CNGB3: variants seen among roughly 807,000 people sequenced by gnomAD.
CNGB3 encodes cyclic nucleotide gated channel subunit beta 3, also known as cyclic nucleotide-gated channel beta-3.
A neutral mutation model predicts 92.8 loss-of-function variants in CNGB3; 86 were observed. That is an observed-to-expected ratio of 0.93 (90% CI 0.78 to 1.11). The LOEUF is 1.11. Ranked by LOEUF, CNGB3 falls within the 50% of genes least tolerant of loss-of-function variation. The pLI is 0.00. For missense variants in CNGB3, 1,026 were observed against 956.8 expected (o/e 1.07, Z -0.95); for synonymous variants, 333 against 332.7 (o/e 1.00, Z -0.01).
chr8:86,659,071 G>C lies in CNGB3; in HGVS notation c.853-5009C>G, dbSNP rs1176444642. ...TCCACCTCAGAGGGCCCTGCTGGGG[G>C]CTCCAGGAGCAGGGGTTCAGCGATC... On this transcript the variant is annotated intron_variant, in intron 6 of 17. Transcript: ENST00000320005. 1.2e-5 allele frequency: 10 copies of C among 839,714 alleles called. No homozygotes were observed. The East Asian group carries it at 2.3e-4, about 19-fold the overall frequency. 52.0% of individuals were successfully genotyped at this position (839,714 alleles called of 1,614,324 possible).
At chr8:86,591,658 CA>C (rs1822040126) in intron 15 of CNGB3, among the ~76,000 whole-genome samples, 1 of 152,328 alleles carries the variant, frequency 6.6e-6, no homozygotes, top group South Asian at 2.1e-4. Flanking sequence ...GCTCAGGGGT[CA>C]GGGGTGAGGG....
chr8:86,590,060 T>C lies in CNGB3; in HGVS notation c.1782-10808A>G, dbSNP rs939648250. On this transcript the variant is annotated intron_variant, in intron 15 of 17. Transcript: ENST00000320005. ...CATATATATTTAGGATAGTTAGCTCTTCTTGTTGAATTGATCCCTTTACCA... is the reference window on the plus strand; with the variant it reads ...CATATATATTTAGGATAGTTAGCTCCTCTTGTTGAATTGATCCCTTTACCA... Among the ~76,000 whole-genome samples, 23 of 151,494 alleles carry C rather than the reference T, an allele frequency of 1.5e-4. 1 individual carries two copies. Among genetic ancestry groups the C allele is most frequent in the African/African-American group, 5.6e-4 (23 of 41,164 alleles).
At chr8:86,623,420 G>A (rs1822780415) in intron 13 of CNGB3, among the ~76,000 whole-genome samples, 1 of 152,150 alleles carries the variant, frequency 6.6e-6, no homozygotes, top group African/African-American at 2.4e-5. Context: ...AGCAGGTTTG[G>A]TGTCTGGTGA....
At chr8:86,660,116 G>T (rs1027826840) in intron 6 of CNGB3, 8 of 314,840 alleles carry the variant, frequency 2.5e-5, no homozygotes, top group South Asian at 2.4e-4. Flanking sequence ...CATGGTCTTT[G>T]CACATATCCT....
intron 4 of CNGB3, 136 bp downstream of exon 4, chr8:86,670,808 G>T: frequency 1.0e-6 from 1 of 963,856 alleles, no homozygotes; most frequent in East Asian, 2.4e-5. Context: ...TACCTTCCTG[G>T]ATTACTCTCA....
At chr8:86,632,640 C>CA in intron 11 of CNGB3, 112 bp downstream of exon 11, 3 of 1,154,388 alleles carry the variant, frequency 2.6e-6, no homozygotes, top group South Asian at 1.4e-5. Flanking sequence ...AAAGTTAGTT[C>CA]AAAAAAAGAA....
At chr8:86,652,810 T>G (rs1455960357) in intron 7 of CNGB3, among the ~76,000 whole-genome samples, 2 of 152,114 alleles carry the variant, frequency 1.3e-5, no homozygotes, top group African/African-American at 2.4e-5. Flanking sequence ...TGTTTTACAA[T>G]TAACTTTTAA....
Position 86,604,092 on chromosome 8 carries a change from C to G in CNGB3, c.1781+1G>C, listed in dbSNP as rs1375507464. ...ATATTTATGAAGTATCTTTCAGATACCTGATTTCTCCAAACACCGACCCAG... is the reference window on the plus strand; with the variant it reads ...ATATTTATGAAGTATCTTTCAGATAGCTGATTTCTCCAAACACCGACCCAG... On this transcript the variant is annotated splice_donor_variant, in intron 15 of 17. Transcript: ENST00000320005. LOFTEE classifies it high-confidence loss of function. 17 of 1,588,848 alleles carry G rather than the reference C, an allele frequency of 1.1e-5. No homozygotes were observed. Among genetic ancestry groups the G allele is most frequent in the Non-Finnish European group, 1.5e-5 (17 of 1,157,194 alleles).
chr8:86,630,279 G>T (rs1683847200), intron 11 of CNGB3, among the ~76,000 whole-genome samples: 1 of 152,154 alleles, frequency 6.6e-6, no homozygotes, highest in Non-Finnish European at 1.5e-5. Context: ...CCTAAGGCTG[G>T]GAGACTTGGT....
chr8:86,711,881 A>C (rs1226389989), intron 3 of CNGB3, among the ~76,000 whole-genome samples: 1 of 150,438 alleles, frequency 6.6e-6, no homozygotes, highest in African/African-American at 2.4e-5. Flanking sequence ...TATAAATATT[A>C]TGTATAATAA....
intron 6 of CNGB3, chr8:86,660,591 T>C (rs1823619939): frequency 1.9e-6 from 1 of 534,238 alleles, no homozygotes; most frequent in Non-Finnish European, 3.8e-6. Flanking sequence ...TATTGATTCT[T>C]ATTAGCTCCA....
intron 2 of CNGB3, among the ~76,000 whole-genome samples, chr8:86,738,710 GCA>G: frequency 6.6e-6 from 1 of 152,084 alleles, no homozygotes; most frequent in South Asian, 2.1e-4. Flanking sequence ...TTGGTGGTGT[GCA>G]CCTGTAGTCC....
At chr8:86,590,520 T>C (rs1220330533) in intron 15 of CNGB3, among the ~76,000 whole-genome samples, 1 of 152,092 alleles carries the variant, frequency 6.6e-6, no homozygotes, top group Non-Finnish European at 1.5e-5. Flanking sequence ...CAGGAGCTCT[T>C]TTAGGGCAGG....
chr8:86,578,618 G>T, intron 17 of CNGB3, 71 bp downstream of exon 17: 2 of 1,387,170 alleles, frequency 1.4e-6, no homozygotes, highest in South Asian at 1.2e-5. Flanking sequence ...GAATTAGAGT[G>T]GGCGTTTGTG....
At chr8:86,597,259 A>C (rs1350852034) in intron 15 of CNGB3, among the ~76,000 whole-genome samples, 1 of 152,136 alleles carries the variant, frequency 6.6e-6, no homozygotes, top group Non-Finnish European at 1.5e-5. Context: ...GTAACTGTGC[A>C]TGAGAGGGAG....
chr8:86,630,310 A>G (rs58564270), intron 11 of CNGB3, among the ~76,000 whole-genome samples: 49,991 of 152,014 alleles, frequency 0.33, 9,615 homozygotes, highest in Middle Eastern at 0.5. Context: ...AGGGCTTGGG[A>G]GATTTAATAG....
At chr8:86,702,611 C>T (rs1824575615) in intron 3 of CNGB3, among the ~76,000 whole-genome samples, 2 of 151,880 alleles carry the variant, frequency 1.3e-5, no homozygotes. Context: ...ATTTTATCTC[C>T]CCTTCTCTAG....
chr8:86,665,001 T>G (rs1223606189), intron 6 of CNGB3, among the ~76,000 whole-genome samples: 2 of 152,202 alleles, frequency 1.3e-5, no homozygotes, highest in Non-Finnish European at 2.9e-5. Context: ...ATATGAACAA[T>G]GTGGCTGAGA....
chr8:86,660,373 G>C (rs1215211076), intron 6 of CNGB3: 1 of 426,526 alleles, frequency 2.3e-6, no homozygotes, highest in Non-Finnish European at 4.7e-6. Context: ...CATCTACCGG[G>C]CAGATGTGCA....
Sources: allele counts gnomAD v4.1 joint callset (sites outside exome capture counted in the v4.1 genomes callset), GRCh38; gene constraint gnomAD v4.1.1; transcripts MANE v1.5; gene names NCBI Gene and HGNC (gene_info 2026-07-23, HGNC 2026-07-21).